Variants in SAMTOR observed in about 807,000 individuals in gnomAD.
The protein encoded by SAMTOR is UPF0532 protein C7orf60.
chr7:112,857,392 T>C, the SAMTOR span, among the ~76,000 whole-genome samples: 1 of 152,158 alleles, frequency 6.6e-6, no homozygotes, highest in African/African-American at 2.4e-5. Context: ...CGCCCGGCCA[T>C]GTTCTTTTAA....
chr7:112,885,632 C>A, the SAMTOR span, among the ~76,000 whole-genome samples: 1 of 152,162 alleles, frequency 6.6e-6, no homozygotes, highest in Admixed American at 6.5e-5. Context: ...GTCCATATCA[C>A]CACCAGCATT....
the SAMTOR span, among the ~76,000 whole-genome samples, chr7:112,917,606 T>C: frequency 6.6e-6 from 1 of 152,190 alleles, no homozygotes; most frequent in Non-Finnish European, 1.5e-5. Context: ...GAGAATGACT[T>C]TGACAAGCTG....
chr7:112,836,184 T>C, the SAMTOR span, among the ~76,000 whole-genome samples: 3 of 152,046 alleles, frequency 2.0e-5, no homozygotes, highest in South Asian at 6.2e-4. Context: ...GCCATTCTGA[T>C]GCCTGTGAGA....
At chr7:112,828,763 C>T in the SAMTOR span, among the ~76,000 whole-genome samples, 17 of 152,148 alleles carry the variant, frequency 1.1e-4, no homozygotes, top group African/African-American at 4.1e-4. Flanking sequence ...TAAAGCACTT[C>T]CACCTTAACA....
the SAMTOR span, among the ~76,000 whole-genome samples, chr7:112,906,313 C>A: frequency 6.6e-6 from 1 of 151,996 alleles, no homozygotes; most frequent in Admixed American, 6.6e-5. Flanking sequence ...AGTAAAAGTA[C>A]AATATTATAA....
At chr7:112,845,516 T>G in the SAMTOR span, among the ~76,000 whole-genome samples, 1 of 152,084 alleles carries the variant, frequency 6.6e-6, no homozygotes, top group Non-Finnish European at 1.5e-5. Context: ...ATTAGAGAAG[T>G]GCAAATAAAA....
chr7:112,919,718 G>C, the SAMTOR span, among the ~76,000 whole-genome samples: 1 of 150,936 alleles, frequency 6.6e-6, no homozygotes, highest in Admixed American at 6.6e-5. Context: ...TAATAAAGAA[G>C]AAAAGAGAGA....
At chr7:112,858,286 T>C in the SAMTOR span, among the ~76,000 whole-genome samples, 1 of 151,680 alleles carries the variant, frequency 6.6e-6, no homozygotes, top group African/African-American at 2.4e-5. Flanking sequence ...AAGGATAACA[T>C]GATAGAAACA....
At chr7:112,842,271 T>G in the SAMTOR span, among the ~76,000 whole-genome samples, 2 of 151,496 alleles carry the variant, frequency 1.3e-5, no homozygotes, top group African/African-American at 2.4e-5. Flanking sequence ...GCTTGGGATA[T>G]TCTATGGTTT....
the SAMTOR span, among the ~76,000 whole-genome samples, chr7:112,839,053 A>C: frequency 4.0e-5 from 6 of 151,870 alleles, no homozygotes; most frequent in African/African-American, 1.4e-4. Flanking sequence ...AACCTGTACT[A>C]CTTAGAGGAA....
At chr7:112,892,781 A>AT in the SAMTOR span, among the ~76,000 whole-genome samples, 1 of 151,984 alleles carries the variant, frequency 6.6e-6, no homozygotes, top group Non-Finnish European at 1.5e-5. Flanking sequence ...CAAAAAAAAA[A>AT]AAATAATAAT....
the SAMTOR span, among the ~76,000 whole-genome samples, chr7:112,901,533 T>C: frequency 6.6e-6 from 1 of 152,150 alleles, no homozygotes; most frequent in Non-Finnish European, 1.5e-5. Context: ...GTACTAATAA[T>C]AGAAATAAAG....
chr7:112,896,237 A>G, the SAMTOR span, among the ~76,000 whole-genome samples: 1 of 152,078 alleles, frequency 6.6e-6, no homozygotes, highest in Non-Finnish European at 1.5e-5. Context: ...ATGTGTATAT[A>G]TATGTGTATA....
the SAMTOR span, among the ~76,000 whole-genome samples, chr7:112,904,709 T>C: frequency 1.3e-5 from 2 of 151,880 alleles, no homozygotes; most frequent in Non-Finnish European, 1.5e-5. Context: ...ACCAAATATA[T>C]AGAATAGAAA....
At chr7:112,832,012 CTT>C in the SAMTOR span, among the ~76,000 whole-genome samples, 50 of 130,998 alleles carry the variant, frequency 3.8e-4, no homozygotes, top group Admixed American at 4.6e-4. Context: ...ACTGAAGTTT[CTT>C]TTTTTTTTTT....
the SAMTOR span, chr7:112,895,505 C>T: frequency 4.1e-5 from 50 of 1,226,114 alleles, no homozygotes; most frequent in South Asian, 8.3e-4. Context: ...TTAGTATGAA[C>T]CACTGCATTA....
At chr7:112,822,486 A>G in the SAMTOR span, 1 of 910,862 alleles carries the variant, frequency 1.1e-6, no homozygotes, top group Non-Finnish European at 1.6e-6. Context: ...CATTGATTAT[A>G]CATTTTTCCT....
chr7:112,914,702 TGAGTC>T, the SAMTOR span, among the ~76,000 whole-genome samples: 1 of 152,186 alleles, frequency 6.6e-6, no homozygotes, highest in South Asian at 2.1e-4. Context: ...AATTTATTAA[TGAGTC>T]AAGTATTAAA....
At chr7:112,928,499 G>A in the SAMTOR span, among the ~76,000 whole-genome samples, 1 of 151,918 alleles carries the variant, frequency 6.6e-6, no homozygotes, top group Non-Finnish European at 1.5e-5. Flanking sequence ...AAATGGAAAA[G>A]CAAAGACTAC....
Sources: allele counts gnomAD v4.1 joint callset (sites outside exome capture counted in the v4.1 genomes callset), GRCh38; gene constraint gnomAD v4.1.1; transcripts MANE v1.5; gene names NCBI Gene and HGNC (gene_info 2026-07-23, HGNC 2026-07-21).